The following SPPL3 variants were observed in gnomAD, a reference collection of about 807,000 sequenced individuals.
SPPL3 encodes signal peptide peptidase-like 3.
A neutral mutation model predicts 42.4 loss-of-function variants in SPPL3; 5 were observed. That is an observed-to-expected ratio of 0.12 (90% CI 0.06 to 0.25). The LOEUF is 0.25. Among genes scored for constraint, SPPL3 ranks in the 10% least tolerant of loss-of-function variants. SPPL3 has a pLI of 1.00. For synonymous variants in SPPL3, 195 were observed against 181.8 expected (o/e 1.07, Z -0.58); for missense variants, 235 against 489.0 (o/e 0.48, Z 4.90).
chr12:120,770,923 C>A (rs1869095759), intron 6 of SPPL3, among the ~76,000 whole-genome samples: 1 of 152,212 alleles, frequency 6.6e-6, no homozygotes, highest in Non-Finnish European at 1.5e-5. Flanking sequence ...AAACTCAGCT[C>A]TTAACAGTGC....
At chr12:120,793,176 T>C (rs145741963) in intron 2 of SPPL3, among the ~76,000 whole-genome samples, 2,142 of 152,294 alleles carry the variant, frequency 0.014, 39 homozygotes, top group African/African-American at 0.046. Flanking sequence ...CATGAAAAGA[T>C]GTTCAACACC....
Position 120,826,630 on chromosome 12 carries a change from T to A in SPPL3, c.24-15744A>T, listed in dbSNP as rs1487396250. ...CAAAATCGCTCCATAAAGCAGACAC[T>A]CAGCTGTCTCTGGCCTTAGCAATAA... On this transcript the variant is annotated intron_variant, in intron 1 of 10. Transcript: ENST00000353487. Among the ~76,000 whole-genome samples, 3 of 152,178 alleles carry A rather than the reference T, an allele frequency of 2.0e-5. 1 individual carries two copies. Among genetic ancestry groups the A allele is most frequent in the African/African-American group, 7.2e-5 (3 of 41,450 alleles).
chr12:120,788,917 G>A (rs1396489107), intron 3 of SPPL3, among the ~76,000 whole-genome samples: 1 of 151,972 alleles, frequency 6.6e-6, no homozygotes, highest in Admixed American at 6.6e-5. Flanking sequence ...TTATTTCTTT[G>A]ATTCTTGATA....
rs1868749067 is a variant in SPPL3, at chr12:120,763,528, T to A, written c.*1471A>T. The A allele has an allele frequency of 6.5e-6, 1 of 152,720 alleles. No individual in the cohort carries two copies. Among genetic ancestry groups the A allele is most frequent in the Non-Finnish European group, 1.5e-5 (1 of 68,102 alleles). 9.5% of individuals were successfully genotyped at this position (152,720 alleles called of 1,614,324 possible). A position where few individuals can be genotyped will look rare whatever the true frequency, so the allele number is the denominator to read the frequency against. ...TCCTCATGCCAACCGCAGGCTTCTC[T>A]TTGCCTCTGAACAATGGGCACCTTC... On this transcript the variant is annotated 3_prime_UTR_variant, in exon 11 of 11. Coordinates refer to ENST00000353487, the MANE Select transcript of SPPL3 (RefSeq NM_139015.5).
intron 1 of SPPL3, among the ~76,000 whole-genome samples, chr12:120,892,684 TACAACCCAAAATTAG>T (rs1393161005): frequency 6.6e-6 from 1 of 152,110 alleles, no homozygotes; most frequent in African/African-American, 2.4e-5. Flanking sequence ...TAAAATACGA[TACAACCCAAAATTAG>T]AGGCCAGGCG....
In SPPL3 at chr12:120,887,164, G is replaced by A. The variant is rs150854413; in HGVS notation, c.23+16681C>T. Reference sequence around the variant, plus strand: ...GGGGTTTCACCATACTGGCCAGGCTGGTCTCGAACTCCTGACCTCATGATC... The same window carrying A: ...GGGGTTTCACCATACTGGCCAGGCTAGTCTCGAACTCCTGACCTCATGATC... On this transcript the variant is annotated intron_variant, in intron 1 of 10. Coordinates refer to ENST00000353487, the MANE Select transcript of SPPL3 (RefSeq NM_139015.5). Among the ~76,000 whole-genome samples, 857 of 151,954 alleles carry A rather than the reference G, an allele frequency of 5.6e-3. 9 individuals are homozygous for A. Among genetic ancestry groups the A allele is most frequent in the African/African-American group, 0.019 (782 of 41,400 alleles).
intron 1 of SPPL3, among the ~76,000 whole-genome samples, chr12:120,872,259 T>C (rs648262): frequency 0.9 from 137,236 of 152,266 alleles, 62,720 homozygotes; most frequent in East Asian, 1. Flanking sequence ...ACTCTCAATT[T>C]GGAACATGAA....
chr12:120,851,329 G>GT (rs1162356967), intron 1 of SPPL3, among the ~76,000 whole-genome samples: 40 of 151,628 alleles, frequency 2.6e-4, no homozygotes, highest in African/African-American at 9.0e-4. Context: ...TTCTCATACA[G>GT]TTTTTTTTTA....
chr12:120,880,782 G>A (rs1411734220), intron 1 of SPPL3, among the ~76,000 whole-genome samples: 1 of 151,426 alleles, frequency 6.6e-6, no homozygotes, highest in Non-Finnish European at 1.5e-5. Flanking sequence ...GAGAGACTCC[G>A]TCTCGGGGGA....
chr12:120,887,447 C>G (rs1301632742), intron 1 of SPPL3, among the ~76,000 whole-genome samples: 1 of 152,118 alleles, frequency 6.6e-6, no homozygotes, highest in Non-Finnish European at 1.5e-5. Context: ...CTTCCACCCA[C>G]CAAACCTTCA....
chr12:120,894,672 G>C (rs967108012), intron 1 of SPPL3, among the ~76,000 whole-genome samples: 1 of 152,200 alleles, frequency 6.6e-6, no homozygotes, highest in Non-Finnish European at 1.5e-5. Context: ...CTGGCCAGGC[G>C]CAGTGGCTCA....
chr12:120,816,518 T>C (rs1870882436), intron 1 of SPPL3, among the ~76,000 whole-genome samples: 1 of 152,228 alleles, frequency 6.6e-6, no homozygotes, highest in South Asian at 2.1e-4. Flanking sequence ...GTTTTTGTTG[T>C]TGTTTCTTTT....
At chr12:120,881,894 G>A (rs1003777997) in intron 1 of SPPL3, among the ~76,000 whole-genome samples, 6 of 152,040 alleles carry the variant, frequency 3.9e-5, no homozygotes, top group Non-Finnish European at 8.8e-5. Context: ...AACAAAGGTT[G>A]CCAGGGTGTG....
At chr12:120,851,398 T>G (rs926945553) in intron 1 of SPPL3, among the ~76,000 whole-genome samples, 3 of 151,702 alleles carry the variant, frequency 2.0e-5, no homozygotes, top group African/African-American at 7.3e-5. Flanking sequence ...CATCAGAGAT[T>G]CCTCAAATGT....
intron 2 of SPPL3, among the ~76,000 whole-genome samples, chr12:120,801,260 T>A (rs1332430188): frequency 6.6e-6 from 1 of 152,226 alleles, no homozygotes; most frequent in African/African-American, 2.4e-5. Flanking sequence ...AGGTTTCATC[T>A]ACATGACAGG....
intron 1 of SPPL3, among the ~76,000 whole-genome samples, chr12:120,859,083 T>A (rs1043347423): frequency 4.6e-5 from 7 of 151,982 alleles, no homozygotes; most frequent in Admixed American, 4.6e-4. Context: ...TAACTTTTAA[T>A]TTTTTTTCTA....
At chr12:120,850,492 T>TAAAAAAAAAAAAAAAA (rs11413210) in intron 1 of SPPL3, among the ~76,000 whole-genome samples, 1 of 119,394 alleles carries the variant, frequency 8.4e-6, no homozygotes. Flanking sequence ...GACCAGCCTT[T>TAAAAAAAAAAAAAAAA]AAAAAAAAAA....
chr12:120,783,743 G>A lies in SPPL3; in HGVS notation c.320C>T (p.Thr107Met), dbSNP rs765302573. The change falls in exon 5 of 11, where the codon ACG becomes ATG. Residue 107 changes from threonine (T) to methionine (M), a missense_variant. By Grantham distance (81) the Thr-to-Met change is moderately conservative. Transcript: ENST00000353487. The stretch of plus-strand genomic sequence containing the variant: ...GAGGAGAAGAAAAGCAAAAGCTATC[G>A]TTGCAAGAACTAGAGAAAGAAAAGG... ...VFTICTAVLATIAFAFLLLPM... is the reference protein window; with the variant it reads ...VFTICTAVLAMIAFAFLLLPM... 1.4e-5 allele frequency: 23 copies of A among 1,613,464 alleles called. No homozygotes were observed. Among genetic ancestry groups the A allele is most frequent in the Admixed American group, 5.0e-5 (3 of 59,994 alleles).
At chr12:120,859,651 A>G (rs1380685450) in intron 1 of SPPL3, among the ~76,000 whole-genome samples, 1 of 152,184 alleles carries the variant, frequency 6.6e-6, no homozygotes, top group African/African-American at 2.4e-5. Flanking sequence ...CAGAAAACAT[A>G]CAGACTCAAA....
Sources: gnomAD v4.1 joint callset for allele counts (sites outside exome capture counted in the v4.1 genomes callset) on GRCh38, gnomAD v4.1.1 for gene constraint, MANE v1.5 for transcripts, NCBI Gene and HGNC (gene_info 2026-07-23, HGNC 2026-07-21) for gene names.